The following ATP7B variants were observed in gnomAD, a reference collection of about 807,000 sequenced individuals.
The protein encoded by ATP7B is copper-transporting ATPase 2.
ATP7B carries 113 observed loss-of-function variants against 118.9 expected under a neutral mutation model. The observed-to-expected ratio is 0.95, with a 90% CI of 0.82 to 1.11. The LOEUF is 1.11. Ranked by LOEUF, ATP7B falls within the 50% of genes most tolerant of loss-of-function variation. ATP7B has a pLI of 0.00. For missense variants in ATP7B, 1,867 were observed against 1,871.4 expected, an observed-to-expected ratio of 1.00 and a Z score of 0.04; for synonymous variants, 777 against 727.4, an observed-to-expected ratio of 1.07 and a Z score of -1.10.
chr13:51,985,668 T>C (rs1416770253), intron 1 of ATP7B, among the ~76,000 whole-genome samples: 3 of 152,164 alleles, frequency 2.0e-5, no homozygotes, highest in African/African-American at 7.2e-5. Context: ...TAATTGGAAG[T>C]GAAACACTCC....
At position 51,934,969 on chromosome 13, in the gene ATP7B, C is replaced by T. The variant is rs368801566; in HGVS notation, c.4185G>A (p.Leu1395=). 60 of 1,613,956 alleles carry T rather than the reference C, an allele frequency of 3.7e-5. 1 individual carries two copies. Among genetic ancestry groups the T allele is most frequent in the Middle Eastern group, 3.3e-4 (2 of 6,028 alleles). The change falls in exon 21 of 21, where the codon CTG becomes CTA. Residue 1395 remains leucine (L), a synonymous_variant. Coordinates refer to ENST00000242839, the MANE Select transcript of ATP7B (RefSeq NM_000053.4). ...EAQAHGHMKP[L]TASQVSVHIG... ...TGTGCACACTGACCTGGGATGCCGT[C>T]AGGGGCTTCATGTGGCCATGCGCCT...
chr13:51,959,565 A>C (rs1958596324), intron 7 of ATP7B: 1 of 154,942 alleles, frequency 6.5e-6, no homozygotes, highest in Non-Finnish European at 1.4e-5. Flanking sequence ...AATAGCCCCT[A>C]AACATTCCAA....
chr13:51,973,656 A>T (rs140082751), intron 2 of ATP7B, among the ~76,000 whole-genome samples: 2 of 152,240 alleles, frequency 1.3e-5, no homozygotes. Context: ...AACAAATTCC[A>T]TATCTTTATA....
At chr13:51,994,009 T>C (rs1399537543) in intron 1 of ATP7B, among the ~76,000 whole-genome samples, 1 of 152,166 alleles carries the variant, frequency 6.6e-6, no homozygotes, top group Non-Finnish European at 1.5e-5. Context: ...ATCTCAAAAC[T>C]TCAGATATAG....
intron 1 of ATP7B, among the ~76,000 whole-genome samples, chr13:51,979,197 C>T (rs1407695407): frequency 6.6e-6 from 1 of 152,188 alleles, no homozygotes; most frequent in African/African-American, 2.4e-5. Context: ...CGGCCAAGCA[C>T]AGTCAATATG....
rs1957395448 is a variant in ATP7B, at chr13:51,942,485, T to C, written c.3313A>G (p.Lys1105Glu). 27 of 1,614,212 alleles carry C rather than the reference T, an allele frequency of 1.7e-5. No homozygotes were observed. Among genetic ancestry groups the C allele is most frequent in the Non-Finnish European group, 2.2e-5 (26 of 1,180,040 alleles). Reference sequence around the variant, plus strand: ...AGGATGCCTTCCACGTTGCTGACTTTGCACCCAATTCCACAGCCTGGCACT... The same window carrying C: ...AGGATGCCTTCCACGTTGCTGACTTCGCACCCAATTCCACAGCCTGGCACT... ...QAVPGCGIGC[K>E]VSNVEGILAH... is the part of the protein sequence containing the mutation. Residue 1105 changes from lysine to glutamate, a missense_variant, in exon 15 of 21, where the codon AAA becomes GAA. Lys to Glu is a moderately conservative substitution (Grantham distance 56). Transcript: ENST00000242839.
intron 1 of ATP7B, among the ~76,000 whole-genome samples, chr13:52,003,676 C>T (rs1953635753): frequency 6.6e-6 from 1 of 151,862 alleles, no homozygotes; most frequent in African/African-American, 2.4e-5. Context: ...CAAAGGTTTG[C>T]CTGTACTGTC....
At chr13:51,963,112 G>T (rs766847720) in intron 5 of ATP7B, among the ~76,000 whole-genome samples, 1 of 151,730 alleles carries the variant, frequency 6.6e-6, no homozygotes, top group East Asian at 1.9e-4. Context: ...AAGAAAGAAA[G>T]AAATCAGAAA....
chr13:51,982,342 G>A (rs1488523466), intron 1 of ATP7B, among the ~76,000 whole-genome samples: 1 of 152,142 alleles, frequency 6.6e-6, no homozygotes, highest in East Asian at 1.9e-4. Context: ...ATGAATTCCA[G>A]CATTATCTGA....
intron 1 of ATP7B, among the ~76,000 whole-genome samples, chr13:52,001,087 T>C (rs182794161): frequency 4.9e-4 from 74 of 152,228 alleles, no homozygotes; most frequent in Admixed American, 7.9e-4. Flanking sequence ...CAAACCCACA[T>C]GTAAATGTTT....
At chr13:51,940,865 G>A (rs1365590071) in intron 16 of ATP7B, among the ~76,000 whole-genome samples, 2 of 152,106 alleles carry the variant, frequency 1.3e-5, no homozygotes, top group African/African-American at 2.4e-5. Context: ...CAAGGAGACT[G>A]AGGCCAGACC....
intron 15 of ATP7B, among the ~76,000 whole-genome samples, chr13:51,942,088 C>T (rs149807416): frequency 5.0e-4 from 76 of 152,260 alleles, no homozygotes; most frequent in African/African-American, 1.4e-3. Context: ...GTGGAATTCC[C>T]GTCTGTCTAC....
At chr13:51,976,795 G>T (rs959901663) in intron 1 of ATP7B, among the ~76,000 whole-genome samples, 1 of 152,160 alleles carries the variant, frequency 6.6e-6, no homozygotes. Context: ...AAAAGGTACA[G>T]TAAAAACACA....
Position 51,942,544 on chromosome 13 carries a change from G to A in ATP7B, c.3254C>T (p.Thr1085Ile). 2.5e-6 allele frequency: 4 copies of A among 1,614,110 alleles called. No homozygotes were observed. The highest frequency in any genetic ancestry group is 2.5e-6 in the Non-Finnish European group (3 of 1,180,024). The stretch of plus-strand genomic sequence containing the variant: ...GTCCGTGCAGTATCCCAAGGTCTCT[G>A]TTCCAAGTTCCTGGGAAGGTGGAAA... ...VTKYCKEELG[T>I]ETLGYCTDFQ... Residue 1085 changes from threonine to isoleucine, a missense_variant, in exon 15 of 21, where the codon ACA becomes ATA. Coordinates refer to ENST00000242839, the MANE Select transcript of ATP7B (RefSeq NM_000053.4).
chr13:51,943,442 G>A (rs1355918299), intron 14 of ATP7B, among the ~76,000 whole-genome samples: 2 of 152,188 alleles, frequency 1.3e-5, no homozygotes, highest in African/African-American at 4.8e-5. Flanking sequence ...ATCAGGAAGA[G>A]TTGTCAATTG....
At chr13:51,991,697 G>C (rs1054260857) in intron 1 of ATP7B, among the ~76,000 whole-genome samples, 2 of 152,136 alleles carry the variant, frequency 1.3e-5, no homozygotes, top group Non-Finnish European at 2.9e-5. Context: ...AGAGAAGGGA[G>C]AGCCTCAGTG....
In ATP7B at chr13:51,982,931, T is replaced by A. The variant is rs1036874506; in HGVS notation, c.52-7763A>T. The stretch of plus-strand genomic sequence containing the variant: ...CTTCACAACCCACAGACCAGGAGAT[T>A]CCCTCGGGTGCCTACACCACCAGGG... On this transcript the variant is annotated intron_variant, in intron 1 of 20. Transcript: ENST00000242839. 5.3e-5 allele frequency among the ~76,000 whole-genome samples: 8 copies of A among 152,230 alleles called. No individual in the cohort carries two copies. The South Asian group carries it at 8.3e-4, about 16-fold the overall frequency.
intron 2 of ATP7B, 140 bp downstream of exon 2, chr13:51,973,795 C>T: frequency 1.6e-6 from 2 of 1,280,396 alleles, no homozygotes; most frequent in Non-Finnish European, 2.2e-6. Context: ...ATTTAACATG[C>T]AAGGAAAGTT....
chr13:51,995,295 C>T, intron 1 of ATP7B: 2 of 985,302 alleles, frequency 2.0e-6, no homozygotes, highest in East Asian at 1.1e-4. Context: ...CTTTTTAGCC[C>T]ATCTGCAATT....
Sources: gnomAD v4.1 joint callset for allele counts (sites outside exome capture counted in the v4.1 genomes callset) on GRCh38, gnomAD v4.1.1 for gene constraint, MANE v1.5 for transcripts, NCBI Gene and HGNC (gene_info 2026-07-23, HGNC 2026-07-21) for gene names.